Variants in ELAVL4 observed in about 807,000 individuals in gnomAD.
The protein encoded by ELAVL4 is ELAV like RNA binding protein 4, also known as ELAV-like protein 4.
A neutral mutation model predicts 35.6 loss-of-function variants in ELAVL4; 1 was observed. That is an observed-to-expected ratio of 0.03 (90% CI 0.01 to 0.13). The LOEUF (loss-of-function observed/expected upper bound fraction) is 0.13. Ranked by LOEUF, ELAVL4 falls within the 10% of genes least tolerant of loss-of-function variation. ELAVL4 has a pLI of 1.00. For synonymous variants in ELAVL4, 156 were observed against 171.0 expected, an observed-to-expected ratio of 0.91 and a Z score of 0.69; for missense variants, 267 against 464.9, an observed-to-expected ratio of 0.57 and a Z score of 3.91.
chr1:50,075,421 T>C (rs945914636), intron 1 of ELAVL4, among the ~76,000 whole-genome samples: 3 of 152,240 alleles, frequency 2.0e-5, no homozygotes, highest in African/African-American at 7.2e-5. Context: ...TTTTATTGGA[T>C]ACAAAGATGT....
chr1:50,157,954 T>C (rs1676044412), intron 2 of ELAVL4, among the ~76,000 whole-genome samples: 2 of 152,200 alleles, frequency 1.3e-5, no homozygotes, highest in Non-Finnish European at 2.9e-5. Context: ...GGGAATATTT[T>C]AGGCCTAAGC....
chr1:50,157,479 A>G (rs925821788), intron 2 of ELAVL4, among the ~76,000 whole-genome samples: 10 of 152,234 alleles, frequency 6.6e-5, no homozygotes, highest in Non-Finnish European at 1.5e-4. Flanking sequence ...AGTTTTGCTC[A>G]GTTATCTGCG....
chr1:50,178,942 A>C (rs574882648), intron 3 of ELAVL4, among the ~76,000 whole-genome samples: 1 of 150,266 alleles, frequency 6.7e-6, no homozygotes, highest in South Asian at 2.2e-4. Context: ...GCTTAGGATC[A>C]AATAATCAAC....
intron 1 of ELAVL4, among the ~76,000 whole-genome samples, chr1:50,124,872 A>G (rs1669634200): frequency 6.6e-6 from 1 of 152,114 alleles, no homozygotes; most frequent in African/African-American, 2.4e-5. Flanking sequence ...AATATTAAGG[A>G]TTTAAAACAG....
chr1:50,188,351 G>C (rs925551451), intron 3 of ELAVL4, among the ~76,000 whole-genome samples: 1 of 152,094 alleles, frequency 6.6e-6, no homozygotes, highest in Non-Finnish European at 1.5e-5. Flanking sequence ...CACAGTTATA[G>C]AAATTTGCAG....
At chr1:50,057,079 C>T (rs1663716997) in intron 1 of ELAVL4, among the ~76,000 whole-genome samples, 1 of 151,998 alleles carries the variant, frequency 6.6e-6, no homozygotes, top group African/African-American at 2.4e-5. Flanking sequence ...TGAAGACCTT[C>T]TAGTGGAACA....
intron 1 of ELAVL4, among the ~76,000 whole-genome samples, chr1:50,123,512 C>T (rs1669374583): frequency 6.6e-6 from 1 of 152,012 alleles, no homozygotes; most frequent in African/African-American, 2.4e-5. Context: ...TTCACTCTCC[C>T]AGTGCTGTTT....
intron 1 of ELAVL4, among the ~76,000 whole-genome samples, chr1:50,077,167 A>G (rs1401824595): frequency 6.6e-6 from 1 of 152,188 alleles, no homozygotes; most frequent in Non-Finnish European, 1.5e-5. Context: ...ATACATGTAT[A>G]TAAGTAGATA....
intron 1 of ELAVL4, among the ~76,000 whole-genome samples, chr1:50,071,308 C>T (rs187291810): frequency 6.6e-6 from 1 of 152,358 alleles, no homozygotes; most frequent in Admixed American, 6.5e-5. Context: ...TTTTGTCTAT[C>T]TAGTTTCCTT....
intron 1 of ELAVL4, chr1:50,109,963 T>C (rs781296512): frequency 4.3e-6 from 7 of 1,612,204 alleles, no homozygotes. Context: ...GGCTTGAAGA[T>C]GGTAAGTGAA....
chr1:50,187,698 T>C (rs566337128), intron 3 of ELAVL4, among the ~76,000 whole-genome samples: 1 of 152,268 alleles, frequency 6.6e-6, no homozygotes, highest in South Asian at 2.1e-4. Flanking sequence ...TAAGGGGTGG[T>C]AAGGACAGAA....
intron 3 of ELAVL4, chr1:50,179,897 T>C (rs1420086116): frequency 6.6e-6 from 1 of 152,202 alleles, no homozygotes; most frequent in Admixed American, 6.5e-5. Flanking sequence ...GAGACTGTAG[T>C]GAGCTGTAAA....
At chr1:50,083,020 G>A (rs1018613646) in intron 1 of ELAVL4, among the ~76,000 whole-genome samples, 7 of 152,082 alleles carry the variant, frequency 4.6e-5, no homozygotes, top group African/African-American at 1.7e-4. Context: ...AGATGAAAAA[G>A]CATTGGCCAG....
At chr1:50,051,708 T>A (rs1663394295) in intron 1 of ELAVL4, among the ~76,000 whole-genome samples, 1 of 152,192 alleles carries the variant, frequency 6.6e-6, no homozygotes, top group Admixed American at 6.5e-5. Flanking sequence ...GTGATTTTTT[T>A]ATTGGGAACT....
chr1:50,059,188 T>C lies in ELAVL4; in HGVS notation c.18+11006T>C, dbSNP rs556393714. 2.0e-5 allele frequency among the ~76,000 whole-genome samples: 3 copies of C among 152,318 alleles called. No individual in the cohort carries two copies. The East Asian group carries it at 5.8e-4, about 29-fold the overall frequency. On this transcript the variant is annotated intron_variant, in intron 1 of 6. Transcript: ENST00000448907. Reference sequence around the variant, plus strand: ...GCATTTTCTTAAATATCAATCATATTTCTCTGATTCTAAGATAAGATTTCT... The same window carrying C: ...GCATTTTCTTAAATATCAATCATATCTCTCTGATTCTAAGATAAGATTTCT...
At chr1:50,123,195 T>C (rs1266001601) in intron 1 of ELAVL4, among the ~76,000 whole-genome samples, 1 of 152,076 alleles carries the variant, frequency 6.6e-6, no homozygotes, top group Non-Finnish European at 1.5e-5. Flanking sequence ...ATTCATCTGT[T>C]TATCTCCACC....
intron 1 of ELAVL4, among the ~76,000 whole-genome samples, chr1:50,112,923 T>C (rs1045053601): frequency 6.6e-6 from 1 of 152,082 alleles, no homozygotes; most frequent in African/African-American, 2.4e-5. Context: ...TGTTGTGAGA[T>C]AATAACAATA....
At position 50,079,833 on chromosome 1, in the gene ELAVL4, T is replaced by C. The variant is rs150718723; in HGVS notation, c.18+31651T>C. ...CTGGGTAAATACTTCTTCAACTGAG[T>C]TGATTCTGTGTTTTTAGAGCAGCTT... On this transcript the variant is annotated intron_variant, in intron 1 of 6. Coordinates refer to the ELAVL4 transcript ENST00000448907. 2.1e-3 allele frequency among the ~76,000 whole-genome samples: 316 copies of C among 152,298 alleles called. 5 individuals are homozygous for C. Among genetic ancestry groups the C allele is most frequent in the African/African-American group, 7.3e-3 (305 of 41,570 alleles).
chr1:50,074,749 G>T (rs1296547029), intron 1 of ELAVL4, among the ~76,000 whole-genome samples: 2 of 152,188 alleles, frequency 1.3e-5, no homozygotes, highest in Admixed American at 1.3e-4. Context: ...CTAGAGGAAG[G>T]CAGGGGACAG....
Sources: allele counts gnomAD v4.1 joint callset (sites outside exome capture counted in the v4.1 genomes callset), GRCh38; gene constraint gnomAD v4.1.1; transcripts MANE v1.5; gene names NCBI Gene and HGNC (gene_info 2026-07-23, HGNC 2026-07-21).